PEX5: variants seen among roughly 807,000 people sequenced by gnomAD.
The protein encoded by PEX5 is PTS1 receptor.
In PEX5, 52 loss-of-function variants were observed where a neutral mutation model predicts 82.9. The ratio of observed to expected loss-of-function variants is 0.63; its 90% CI spans 0.50 to 0.79. The LOEUF (loss-of-function observed/expected upper bound fraction) is 0.79, where lower values mean the gene tolerates loss of function less well. Ranked by LOEUF, PEX5 falls within the 30% of genes least tolerant of loss-of-function variation. PEX5 has a pLI of 0.00. For synonymous variants in PEX5, 300 were observed against 318.8 expected (o/e 0.94, Z 0.63); for missense variants, 719 against 815.2 (o/e 0.88, Z 1.44).
chr12:7,213,013 T>G (rs937678177), downstream of PEX5: 5 of 152,032 alleles, frequency 3.3e-5, no homozygotes, highest in Non-Finnish European at 7.4e-5. Flanking sequence ...GGAATCCAAC[T>G]TACAAGGGAT....
intron 10 of PEX5, among the ~76,000 whole-genome samples, chr12:7,206,115 T>C (rs1441498213): frequency 2.0e-5 from 3 of 152,190 alleles, no homozygotes. Context: ...ATAGTTGAGG[T>C]TGAATGCAGA....
At chr12:7,189,876 A>C in intron 1 of PEX5, 126 bp downstream of exon 1, 2 of 1,345,612 alleles carry the variant, frequency 1.5e-6, no homozygotes, top group Non-Finnish European at 1.9e-6. Context: ...GGCGGTGGGG[A>C]GCGCGGGAGG....
rs769520695 is a variant in PEX5 at position 7,209,995 on chromosome 12, A to G, written c.1719-27A>G. 6 of 1,612,364 alleles carry G rather than the reference A, an allele frequency of 3.7e-6. No individual in the cohort carries two copies. In the Admixed American group the frequency reaches 8.3e-5, roughly 22 times the overall value. On this transcript the variant is annotated intron_variant, in intron 15 of 15. Transcript: ENST00000675855. ...TCCTTCCATTGTTGTTCAGCTTAAC[A>G]GCTCTCATTCCTCTTCTTCCTTACA...
At position 7,210,072 on chromosome 12, in the gene PEX5, G is replaced by A. The variant is rs779049461; in HGVS notation, c.1769G>A (p.Arg590Gln). Reference protein sequence around the residue: ...LEALNMQRKSRGPRGEGGAMS... With the variant: ...LEALNMQRKSQGPRGEGGAMS... Reference sequence around the variant, plus strand: ...GCCCTGAACATGCAGAGGAAAAGCCGGGGCCCCCGGGGTGAAGGAGGTGCC... The same window carrying A: ...GCCCTGAACATGCAGAGGAAAAGCCAGGGCCCCCGGGGTGAAGGAGGTGCC... Residue 590 changes from arginine (R) to glutamine (Q), a missense_variant, in exon 16 of 16, where the codon CGG (arginine) becomes CAG (glutamine). Arg to Gln is a conservative substitution (Grantham distance 43). Transcript: ENST00000675855. 4.5e-5 allele frequency: 73 copies of A among 1,614,086 alleles called. No homozygotes were observed. The highest frequency in any genetic ancestry group is 3.0e-4 in the South Asian group (27 of 91,094).
chr12:7,216,449 T>C (rs1462497481), downstream of PEX5, among the ~76,000 whole-genome samples: 4 of 152,218 alleles, frequency 2.6e-5, no homozygotes, highest in African/African-American at 9.7e-5. Context: ...TGCATTTTTA[T>C]TTTACACTGT....
At chr12:7,192,809 A>C (rs534047846) in intron 5 of PEX5, among the ~76,000 whole-genome samples, 2 of 152,228 alleles carry the variant, frequency 1.3e-5, no homozygotes, top group Non-Finnish European at 2.9e-5. Context: ...CCTTGAGAGC[A>C]TCCATTGCTC....
At position 7,191,664 on chromosome 12, in the gene PEX5, A is replaced by T. The variant is rs759664299; in HGVS notation, c.412A>T (p.Thr138Ser). The change falls in exon 5 of 16, where the codon ACT becomes TCT. Residue 138 changes from threonine to serine, a missense_variant. By Grantham distance (58) the Thr-to-Ser change is moderately conservative. Coordinates refer to ENST00000675855, the MANE Select transcript of PEX5 (RefSeq NM_001351132.2). ...GGATGTAACTCAGGATTATAATGAGACTGACTGGTCCCAAGAATTCATCTC... is the reference window on the plus strand; with the variant it reads ...GGATGTAACTCAGGATTATAATGAGTCTGACTGGTCCCAAGAATTCATCTC... ...AVDVTQDYNETDWSQEFISEV... is the reference protein window; with the variant it reads ...AVDVTQDYNESDWSQEFISEV... 6.2e-7 allele frequency: 1 copy of T among 1,613,794 alleles called. No individual in the cohort carries two copies.
chr12:7,197,122 A>ATATGTCATATATAATGTAATAATT lies in PEX5; in HGVS notation c.449-1889_449-1888insTATGTCATATATAATGTAATAATT, dbSNP rs1555175792. The stretch of plus-strand genomic sequence containing the variant: ...AATTATATATGTCATATAATGTAAT[A>ATATGTCATATATAATGTAATAATT]ATATATGTCATATATAATGTAATAA... On this transcript the variant is annotated intron_variant, in intron 5 of 15. Transcript: ENST00000675855. Among the ~76,000 whole-genome samples, 3 of 6,758 alleles carry ATATGTCATATATAATGTAATAATT rather than the reference A, an allele frequency of 4.4e-4. 1 individual carries two copies. Among genetic ancestry groups the ATATGTCATATATAATGTAATAATT allele is most frequent in the African/African-American group, 6.9e-4 (3 of 4,372 alleles). 4.4% of individuals were successfully genotyped at this position (6,758 alleles called of 152,430 possible). A position where few individuals can be genotyped will look rare whatever the true frequency, so the allele number is the denominator to read the frequency against.
rs1187378083 is a variant in PEX5 at position 7,202,125 on chromosome 12, G to A, written c.643-116G>A. On this transcript the variant is annotated intron_variant, in intron 7 of 15. Transcript: ENST00000675855. ...TCTTTTAGGGTCTTTAGCATATCTT[G>A]TCTGCAGCTAGAGATGGTCAGGGGA... 3.3e-6 allele frequency: 5 copies of A among 1,506,202 alleles called. No individual in the cohort carries two copies. The African/African-American group carries it at 4.1e-5, about 12-fold the overall frequency. 93.3% of individuals were successfully genotyped at this position (1,506,202 alleles called of 1,614,324 possible). A position where few individuals can be genotyped will look rare whatever the true frequency, so the allele number is the denominator to read the frequency against.
chr12:7,214,446 C>T (rs1411881752), downstream of PEX5, among the ~76,000 whole-genome samples: 1 of 151,318 alleles, frequency 6.6e-6, no homozygotes, highest in East Asian at 2.0e-4. Flanking sequence ...GGAAATCATT[C>T]TCAGTAAACT....
intron 13 of PEX5, 95 bp downstream of exon 13, chr12:7,208,764 T>G: frequency 9.3e-7 from 1 of 1,075,652 alleles, no homozygotes; most frequent in Non-Finnish European, 1.4e-6. Flanking sequence ...GGATTGAGAC[T>G]GAAGGGTCCT....
In PEX5 at chr12:7,199,209, C is replaced by CT. The variant is rs5796268; in HGVS notation, c.551+114dup. On this transcript the variant is annotated intron_variant, in intron 6 of 15. Transcript: ENST00000675855. ...CGTTCTCGAACCAACTTACTTTATT[C>CT]TTTTTTTTTTTTTTTTTTATCATTC... The CT allele has an allele frequency of 0.1, 40,866 of 391,496 alleles. 505 individuals carry two copies. The highest frequency in any genetic ancestry group is 0.17 in the African/African-American group (6,460 of 37,082). 24.3% of individuals were successfully genotyped at this position (391,496 alleles called of 1,614,324 possible).
rs1271426444 is a variant in PEX5, at chr12:7,210,220, G to C, written c.1917G>C (p.Gln639His). 2 of 1,613,736 alleles carry C rather than the reference G, an allele frequency of 1.2e-6. No homozygotes were observed. The highest frequency in any genetic ancestry group is 1.7e-5 in the Admixed American group (1 of 60,012). The stretch of plus-strand genomic sequence containing the variant: ...TCCTAACTATGTTTGGCCTGCCCCA[G>C]TGACAGTGGGACGGGCTGCCCTGTG... Reference protein sequence around the residue: ...STLLTMFGLPQ With the variant: ...STLLTMFGLPH Residue 639 changes from glutamine to histidine, a missense_variant, in exon 16 of 16, where the codon CAG becomes CAC. Gln to His is a conservative substitution (Grantham distance 24). Coordinates refer to ENST00000675855, the MANE Select transcript of PEX5 (RefSeq NM_001351132.2).
At chr12:7,190,203 A>G (rs1940728883) in intron 1 of PEX5, 159 bp from the exon 2 acceptor site, 1 of 1,562,042 alleles carries the variant, frequency 6.4e-7, no homozygotes, top group African/African-American at 1.3e-5. Flanking sequence ...ACCTCCCTCG[A>G]ACTCCTGGCA....
Position 7,191,685 on chromosome 12 carries a change from A to G in PEX5, c.433A>G (p.Ile145Val). Residue 145 changes from isoleucine (I) to valine (V), a missense_variant, in exon 5 of 16, where the codon ATC becomes GTC. Ile to Val is a conservative substitution (Grantham distance 29). Coordinates refer to ENST00000675855, the MANE Select transcript of PEX5 (RefSeq NM_001351132.2). ...TGAGACTGACTGGTCCCAAGAATTC[A>G]TCTCTGAAGTTACAGGTGAAACTTG... is the stretch of plus-strand genomic sequence containing the variant. ...YNETDWSQEF[I>V]SEVTDPLSVS... The G allele has an allele frequency of 1.2e-6, 2 of 1,613,862 alleles. No homozygotes were observed. Among genetic ancestry groups the G allele is most frequent in the Non-Finnish European group, 1.7e-6 (2 of 1,179,766 alleles).
chr12:7,196,048 A>ATACATTT (rs1217935103), intron 5 of PEX5, among the ~76,000 whole-genome samples: 20 of 146,988 alleles, frequency 1.4e-4, no homozygotes, highest in Non-Finnish European at 2.2e-4. Context: ...TATATTATAT[A>ATACATTT]TACATTTTAC....
rs1458939410 is a variant in PEX5 at position 7,197,258 on chromosome 12, A to G, written c.449-1753A>G. ...ATGTAATAATTATATGTCATATGTA[A>G]TAATTATATATGTCATATATAATGT... On this transcript the variant is annotated intron_variant, in intron 5 of 15. Coordinates refer to ENST00000675855, the MANE Select transcript of PEX5 (RefSeq NM_001351132.2). Among the ~76,000 whole-genome samples, 5 of 106,428 alleles carry G rather than the reference A, an allele frequency of 4.7e-5. 1 individual carries two copies. Among genetic ancestry groups the G allele is most frequent in the Non-Finnish European group, 5.7e-5 (3 of 52,712 alleles). 69.8% of individuals were successfully genotyped at this position (106,428 alleles called of 152,430 possible).
intron 1 of PEX5, chr12:7,190,022 TGTCGCCGTCCAGCCTGGTTGTTGAAGC>T: frequency 6.6e-7 from 1 of 1,504,066 alleles, no homozygotes; most frequent in Non-Finnish European, 8.8e-7. Context: ...CTTCGGGCAG[TGTCGCCGTCCAGCCTGGTTGTTGAAGC>T]GTCCCCGTGG....
At chr12:7,201,120 C>T (rs77531438) in intron 6 of PEX5, among the ~76,000 whole-genome samples, 1,540 of 148,616 alleles carry the variant, frequency 0.01, 23 homozygotes, top group African/African-American at 0.035. Flanking sequence ...ACCAAAAGCG[C>T]ATGCATGTGT....
Sources: gnomAD v4.1 joint callset for allele counts (sites outside exome capture counted in the v4.1 genomes callset) on GRCh38, gnomAD v4.1.1 for gene constraint, MANE v1.5 for transcripts, NCBI Gene and HGNC (gene_info 2026-07-23, HGNC 2026-07-21) for gene names.